Variants in RBKS observed in about 807,000 individuals in gnomAD.
RBKS encodes the protein ribokinase.
Under a neutral mutation model 33.9 loss-of-function variants are expected in RBKS, and 33 were observed. The ratio of observed to expected loss-of-function variants is 0.97; its 90% confidence interval spans 0.74 to 1.30. RBKS has a LOEUF of 1.30. Ranked by LOEUF, RBKS falls within the 50% of genes most tolerant of loss-of-function variation. The pLI, the probability that RBKS is intolerant of heterozygous loss-of-function variation, is 0.00. For missense variants in RBKS, 361 were observed against 392.6 expected (o/e 0.92, Z 0.68); for synonymous variants, 125 against 143.0 (o/e 0.87, Z 0.90).
chr2:27,819,355 C>A (rs1402773959), intron 7 of RBKS, among the ~76,000 whole-genome samples: 5 of 152,140 alleles, frequency 3.3e-5, no homozygotes, highest in Admixed American at 2.6e-4. Context: ...CCCCTTATGA[C>A]CTCATTTAAC....
intron 5 of RBKS, among the ~76,000 whole-genome samples, chr2:27,835,373 G>T (rs1443153275): frequency 6.6e-6 from 1 of 151,734 alleles, no homozygotes; most frequent in Non-Finnish European, 1.5e-5. Flanking sequence ...TATCAAGAAA[G>T]ATTTCTATAA....
chr2:27,824,318 C>T (rs1678273576), intron 7 of RBKS, among the ~76,000 whole-genome samples: 1 of 152,162 alleles, frequency 6.6e-6, no homozygotes, highest in South Asian at 2.1e-4. Flanking sequence ...GACCTCTTAT[C>T]TAGTTTCAAA....
rs148593620 is a variant in RBKS, at chr2:27,890,328, T to C, written c.18A>G (p.Glu6=). 11,431 of 1,613,096 alleles carry C rather than the reference T, an allele frequency of 7.1e-3. 46 individuals carry two copies. Among genetic ancestry groups the C allele is most frequent in the Middle Eastern group, 9.4e-3 (57 of 6,062 alleles). ...CCTCCTCTTGCCACTGCCTCTGGGG[T>C]TCCCCAGACGCCGCCATCGCTCAAA... is the stretch of plus-strand genomic sequence containing the variant. MAASG[E]PQRQWQEEVA... Residue 6 remains glutamate, a synonymous_variant, in exon 1 of 8, where the codon GAA becomes GAG. Coordinates refer to ENST00000302188, the MANE Select transcript of RBKS (RefSeq NM_022128.3). This position sits in a 1 kb window ranked among gnomAD's most constrained non-coding sequence, Gnocchi z 4.8.
intron 1 of RBKS, among the ~76,000 whole-genome samples, chr2:27,879,552 A>G (rs1225468782): frequency 6.6e-6 from 1 of 152,166 alleles, no homozygotes; most frequent in Non-Finnish European, 1.5e-5. Flanking sequence ...ATGGAATGAT[A>G]TAGCAATCTC....
chr2:27,847,355 G>A (rs1442463247), intron 3 of RBKS, among the ~76,000 whole-genome samples: 4 of 151,988 alleles, frequency 2.6e-5, no homozygotes, highest in Non-Finnish European at 4.4e-5. Flanking sequence ...TCCTACTTTC[G>A]ATTCCCCCCA....
chr2:27,820,258 A>G (rs1678173581), intron 7 of RBKS, among the ~76,000 whole-genome samples: 1 of 152,196 alleles, frequency 6.6e-6, no homozygotes, highest in Admixed American at 6.5e-5. Context: ...GTCCCCCTTT[A>G]TAACACCTTC....
Position 27,788,546 on chromosome 2 carries a change from A to C in RBKS, c.796-6758T>G, listed in dbSNP as rs145918773. On this transcript the variant is annotated intron_variant, in intron 7 of 7. Coordinates refer to ENST00000302188, the MANE Select transcript of RBKS (RefSeq NM_022128.3). ...TGGTGAAACCCCGTCTCTACTAAAA[A>C]TACAAGAAAAATTAGCTGGGCATGG... 5.9e-3 allele frequency among the ~76,000 whole-genome samples: 903 copies of C among 152,316 alleles called. 14 individuals carry two copies. Among genetic ancestry groups the C allele is most frequent in the African/African-American group, 0.021 (862 of 41,568 alleles).
chr2:27,798,361 T>G (rs994159191), intron 7 of RBKS, among the ~76,000 whole-genome samples: 1 of 152,106 alleles, frequency 6.6e-6, no homozygotes, highest in Non-Finnish European at 1.5e-5. Flanking sequence ...ACGGCCGAAA[T>G]GAACTCAAAA....
At chr2:27,853,589 T>C (rs1053385942) in intron 2 of RBKS, among the ~76,000 whole-genome samples, 1 of 151,756 alleles carries the variant, frequency 6.6e-6, no homozygotes, top group Non-Finnish European at 1.5e-5. Context: ...CCCGGGGAGG[T>C]TGAGGCTGCA....
At chr2:27,820,581 T>TCTC (rs1678183558) in intron 7 of RBKS, among the ~76,000 whole-genome samples, 1 of 140,448 alleles carries the variant, frequency 7.1e-6, no homozygotes, top group Non-Finnish European at 1.6e-5. Context: ...CTCTCTCTCT[T>TCTC]TCTTTCTTTT....
At chr2:27,826,132 T>G (rs1678306927) in intron 7 of RBKS, among the ~76,000 whole-genome samples, 1 of 152,226 alleles carries the variant, frequency 6.6e-6, no homozygotes, top group Non-Finnish European at 1.5e-5. Context: ...AAGCACATTT[T>G]GAAAGGCAAC....
intron 7 of RBKS, among the ~76,000 whole-genome samples, chr2:27,817,078 G>A (rs185134157): frequency 2.0e-5 from 3 of 152,270 alleles, no homozygotes; most frequent in African/African-American, 4.8e-5. Flanking sequence ...GAGGGTAAGC[G>A]ACTCTTAACA....
At chr2:27,821,665 A>T (rs1276558055) in intron 7 of RBKS, among the ~76,000 whole-genome samples, 1 of 152,240 alleles carries the variant, frequency 6.6e-6, no homozygotes, top group East Asian at 1.9e-4. Flanking sequence ...TTAGTGGAAT[A>T]AAGGTGATAA....
intron 5 of RBKS, among the ~76,000 whole-genome samples, chr2:27,838,724 T>C (rs1174027392): frequency 6.6e-6 from 1 of 152,198 alleles, no homozygotes; most frequent in East Asian, 1.9e-4. Flanking sequence ...GTGGAAGCCA[T>C]GATGTCATCC....
chr2:27,789,606 C>T (rs1194823629), intron 7 of RBKS, among the ~76,000 whole-genome samples: 1 of 151,820 alleles, frequency 6.6e-6, no homozygotes, highest in Non-Finnish European at 1.5e-5. Flanking sequence ...ACTCTGTAGC[C>T]CAGTTTGGAG....
intron 4 of RBKS, among the ~76,000 whole-genome samples, chr2:27,844,475 C>G (rs951171738): frequency 2.0e-5 from 3 of 152,104 alleles, no homozygotes; most frequent in African/African-American, 7.2e-5. Flanking sequence ...TCACTGCAGC[C>G]TCCACCTCCT....
At chr2:27,883,533 A>C (rs113164546) in intron 1 of RBKS, among the ~76,000 whole-genome samples, 1 of 152,128 alleles carries the variant, frequency 6.6e-6, no homozygotes, top group Admixed American at 6.5e-5. Flanking sequence ...TTAGCACACT[A>C]TAAGTATTTC....
At chr2:27,782,210 G>A (rs1029705758) in intron 7 of RBKS, among the ~76,000 whole-genome samples, 2 of 151,626 alleles carry the variant, frequency 1.3e-5, no homozygotes, top group African/African-American at 2.4e-5. Context: ...TGCCTGGGCT[G>A]AAGTGCAGTG....
At chr2:27,862,693 T>C (rs994271057) in intron 1 of RBKS, among the ~76,000 whole-genome samples, 28 of 152,228 alleles carry the variant, frequency 1.8e-4, no homozygotes, top group African/African-American at 6.8e-4. Context: ...TCGGGGGTTA[T>C]AGTGCTAACT....
Sources: allele counts gnomAD v4.1 joint callset (sites outside exome capture counted in the v4.1 genomes callset), GRCh38; gene constraint gnomAD v4.1.1; non-coding constraint Gnocchi (gnomAD v3.1); transcripts MANE v1.5; gene names NCBI Gene and HGNC (gene_info 2026-07-23, HGNC 2026-07-21).